The following ST6GALNAC4 variants were observed in gnomAD, a reference collection of about 807,000 sequenced individuals.
The protein encoded by ST6GALNAC4 is alpha-N-acetyl-neuraminyl-2,3-beta-galactosyl-1,3-N-acetyl-galactosaminide alpha-2,6-sialyltransferase.
ST6GALNAC4 carries 24 observed loss-of-function variants against 30.4 expected under a neutral mutation model. That is an observed-to-expected ratio of 0.79 (90% confidence interval 0.57 to 1.11). The LOEUF is 1.11. ST6GALNAC4 is among the 50% of genes most tolerant of loss of function. The pLI, the probability that ST6GALNAC4 is intolerant of heterozygous loss-of-function variation, is 0.00. For missense variants in ST6GALNAC4, 365 were observed against 430.1 expected (o/e 0.85, Z 1.34); for synonymous variants, 156 against 179.7 (o/e 0.87, Z 1.05).
rs1188212041 is a variant in ST6GALNAC4 at position 127,912,365 on chromosome 9, G to A, written c.514C>T (p.Leu172Phe). 1 of 1,614,154 alleles carries A rather than the reference G, an allele frequency of 6.2e-7. No homozygotes were observed. The highest frequency in any genetic ancestry group is 1.1e-5 in the South Asian group (1 of 91,084). ...TGCAGGCCGGGGTACATCCTGGTGA[G>A]CTGCAGCAGCGTGCGGTAGGTGCGG... ...GGRTYRTLLQ[L>F]TRMYPGLQVY... The change falls in exon 4 of 6, where the codon CTC becomes TTC. Residue 172 changes from leucine to phenylalanine, a missense_variant. Leu to Phe is a conservative substitution (Grantham distance 22). Transcript: ENST00000335791.
At position 127,916,448 on chromosome 9, in the gene ST6GALNAC4, G is replaced by A. The variant is rs573831670; in HGVS notation, c.-29C>T. The A allele has an allele frequency of 6.2e-7, 1 of 1,613,958 alleles. No homozygotes were observed. The highest frequency in any genetic ancestry group is 1.7e-5 in the Admixed American group (1 of 60,024). On this transcript the variant is annotated 5_prime_UTR_variant, in exon 2 of 6. Coordinates refer to ENST00000335791, the MANE Select transcript of ST6GALNAC4 (RefSeq NM_175039.4). ...GTCGCTGTCCCTCAGTAGTCTAGGG[G>A]CTGCTGTCTCCAGGGCTGGGGCTGG...
intron 5 of ST6GALNAC4, 142 bp downstream of exon 5, chr9:127,909,809 G>T: frequency 2.6e-6 from 2 of 777,644 alleles, no homozygotes; most frequent in Non-Finnish European, 4.1e-6. Flanking sequence ...GGCCCAGAGC[G>T]CAAGGGGTAT....
intron 2 of ST6GALNAC4, 123 bp from the exon 3 acceptor site, chr9:127,914,964 G>T: frequency 2.3e-6 from 2 of 885,254 alleles, no homozygotes; most frequent in Non-Finnish European, 3.2e-6. Context: ...TCCTAGAACA[G>T]CAGCAGAATC....
intron 5 of ST6GALNAC4, among the ~76,000 whole-genome samples, chr9:127,909,415 T>TATAACA (rs1352646227): frequency 6.6e-6 from 1 of 150,716 alleles, no homozygotes; most frequent in African/African-American, 2.4e-5. Flanking sequence ...AATATAATAA[T>TATAACA]ATAACAATGG....
At chr9:127,910,152 G>A in intron 4 of ST6GALNAC4, 94 bp from the exon 5 acceptor site, 25 of 1,519,610 alleles carry the variant, frequency 1.6e-5, no homozygotes, top group Non-Finnish European at 2.2e-5. Context: ...CCAGCCCGGG[G>A]CTATGCACCT....
At position 127,910,007 on chromosome 9, in the gene ST6GALNAC4, C is replaced by A. The variant is rs753740641; in HGVS notation, c.663G>T (p.Ala221=). 6.2e-7 allele frequency: 1 copy of A among 1,613,342 alleles called. No homozygotes were observed. Among genetic ancestry groups the A allele is most frequent in the Non-Finnish European group, 8.5e-7 (1 of 1,179,980 alleles). Residue 221 remains alanine (A), a synonymous_variant, in exon 5 of 6, where the codon GCG becomes GCT. Coordinates refer to ENST00000335791, the MANE Select transcript of ST6GALNAC4 (RefSeq NM_175039.4). The part of the protein sequence containing the change: ...LSTGWFTMIL[A]LELCEEIVVY... ...CCACGATCTCCTCACACAGCTCCAG[C>A]GCGAGGATCATGGTGAACCAGCCGG...
At position 127,909,999 on chromosome 9, in the gene ST6GALNAC4, A is replaced by T; in HGVS notation, c.671T>A (p.Leu224Gln). The stretch of plus-strand genomic sequence containing the variant: ...CCCATAGACCACGATCTCCTCACAC[A>T]GCTCCAGCGCGAGGATCATGGTGAA... ...GWFTMILALE[L>Q]CEEIVVYGMV... The change falls in exon 5 of 6, where the codon CTG (leucine) becomes CAG (glutamine). Residue 224 changes from leucine to glutamine, a missense_variant. Leu to Gln is a moderately radical substitution (Grantham distance 113). Coordinates refer to ENST00000335791, the MANE Select transcript of ST6GALNAC4 (RefSeq NM_175039.4). The T allele has an allele frequency of 1.2e-6, 2 of 1,613,440 alleles. No homozygotes were observed. The highest frequency in any genetic ancestry group is 1.7e-6 in the Non-Finnish European group (2 of 1,179,964).
At position 127,912,379 on chromosome 9, in the gene ST6GALNAC4, C is replaced by A; in HGVS notation, c.500G>T (p.Arg167Leu). The stretch of plus-strand genomic sequence containing the variant: ...CATCCTGGTGAGCTGCAGCAGCGTG[C>A]GGTAGGTGCGGCCGCCGAGCACCCG... ...MDRVLGGRTY[R>L]TLLQLTRMYP... Residue 167 changes from arginine (R) to leucine (L), a missense_variant, in exon 4 of 6, where the codon CGC becomes CTC. Coordinates refer to ENST00000335791, the MANE Select transcript of ST6GALNAC4 (RefSeq NM_175039.4). 6.2e-7 allele frequency: 1 copy of A among 1,614,110 alleles called. No individual in the cohort carries two copies. Among genetic ancestry groups the A allele is most frequent in the East Asian group, 2.2e-5 (1 of 44,888 alleles).
intron 4 of ST6GALNAC4, chr9:127,910,571 A>G: frequency 1.0e-6 from 1 of 989,780 alleles, no homozygotes; most frequent in Non-Finnish European, 1.2e-6. Context: ...GGGAGGGAAC[A>G]CTGTCAGCCC....
At chr9:127,908,676 GGGCTCGTGAAGACCCACGCC>G in intron 5 of ST6GALNAC4, 95 bp from the exon 6 acceptor site, 1 of 1,246,792 alleles carries the variant, frequency 8.0e-7, no homozygotes, top group South Asian at 1.9e-5. Context: ...CCAGGCCCAT[GGGCTCGTGAAGACCCACGCC>G]TGATCCCTGG....
At chr9:127,915,395 C>T (rs1030093360) in intron 2 of ST6GALNAC4, among the ~76,000 whole-genome samples, 2 of 152,216 alleles carry the variant, frequency 1.3e-5, no homozygotes, top group African/African-American at 4.8e-5. Flanking sequence ...AGTGTGGCCC[C>T]GCCTCCTCCC....
At chr9:127,911,648 G>A (rs927334788) in intron 4 of ST6GALNAC4, among the ~76,000 whole-genome samples, 8 of 152,088 alleles carry the variant, frequency 5.3e-5, no homozygotes, top group East Asian at 3.9e-4. Context: ...CACCACACCC[G>A]GCTAATTTTT....
At chr9:127,915,443 C>T (rs141005590) in intron 2 of ST6GALNAC4, among the ~76,000 whole-genome samples, 2 of 152,320 alleles carry the variant, frequency 1.3e-5, no homozygotes, top group East Asian at 1.9e-4. Context: ...CCTGGTGATC[C>T]GGATCTGGGT....
chr9:127,914,806 G>A lies in ST6GALNAC4; in HGVS notation c.48C>T (p.Val16=). ...RLVLIILCSV[V]FSAVYILLCC... The stretch of plus-strand genomic sequence containing the variant: ...ACAGGAGGATGTAGACGGCAGAGAA[G>A]ACCACGGAGCACAGGATGATGAGCA... The change falls in exon 3 of 6, where the codon GTC becomes GTT. Residue 16 remains valine (V), a synonymous_variant. Transcript: ENST00000335791. 6.3e-7 allele frequency: 1 copy of A among 1,579,716 alleles called. No homozygotes were observed. Among genetic ancestry groups the A allele is most frequent in the Non-Finnish European group, 8.6e-7 (1 of 1,161,302 alleles).
At chr9:127,916,576 G>T in intron 1 of ST6GALNAC4, 82 bp from the exon 2 acceptor site, 1 of 800,800 alleles carries the variant, frequency 1.2e-6, no homozygotes, top group South Asian at 1.5e-5. Context: ...GGCAGGAGAG[G>T]GTACAGGCCG....
chr9:127,908,847 C>G (rs1212272405), intron 5 of ST6GALNAC4, among the ~76,000 whole-genome samples: 1 of 152,176 alleles, frequency 6.6e-6, no homozygotes, highest in African/African-American at 2.4e-5. Context: ...CGCAGATGGT[C>G]ACATCCGCCT....
intron 2 of ST6GALNAC4, 103 bp downstream of exon 2, chr9:127,916,305 G>A (rs1216103381): frequency 2.0e-6 from 3 of 1,476,008 alleles, no homozygotes; most frequent in South Asian, 1.1e-5. Flanking sequence ...TCAGCAGTAG[G>A]GAGGTCAGAA....
In ST6GALNAC4 at chr9:127,917,035, G is replaced by A. The variant is rs1831211774; in HGVS notation, c.-285C>T. 6.5e-6 allele frequency: 1 copy of A among 152,956 alleles called. No individual in the cohort carries two copies. Among genetic ancestry groups the A allele is most frequent in the Admixed American group, 6.6e-5 (1 of 15,254 alleles). The allele number at this position is 152,956 out of a possible 1,614,324, so 9.5% of individuals were successfully genotyped here. A position where few individuals can be genotyped will look rare whatever the true frequency, so the allele number is the denominator to read the frequency against. ...TGGAAGCTGATCCGCGCGGCCAGAG[G>A]CAGGGGGCGGGGCCGGGGCCGGGGC... On this transcript the variant is annotated 5_prime_UTR_variant, in exon 1 of 6. Coordinates refer to ENST00000335791, the MANE Select transcript of ST6GALNAC4 (RefSeq NM_175039.4).
chr9:127,916,364 CG>C, intron 2 of ST6GALNAC4, 43 bp downstream of exon 2: 4 of 1,613,912 alleles, frequency 2.5e-6, no homozygotes, highest in Non-Finnish European at 3.4e-6. Context: ...CTCCGCCAGT[CG>C]GGGCCTCTGC....
Sources: allele counts gnomAD v4.1 joint callset (sites outside exome capture counted in the v4.1 genomes callset), GRCh38; gene constraint gnomAD v4.1.1; transcripts MANE v1.5; gene names NCBI Gene and HGNC (gene_info 2026-07-23, HGNC 2026-07-21).